The following USP12 variants were observed in gnomAD, a reference collection of about 807,000 sequenced individuals.
USP12 encodes the protein ubiquitin carboxyl-terminal hydrolase 12.
USP12 carries 19 observed loss-of-function variants against 45.5 expected under a neutral mutation model. The observed-to-expected ratio is 0.42, with a 90% CI of 0.29 to 0.61. The LOEUF is 0.61. USP12 is among the 20% of genes least tolerant of loss of function. USP12 has a pLI of 0.22. For missense variants in USP12, 242 were observed against 447.7 expected, an observed-to-expected ratio of 0.54 and a Z score of 4.15; for synonymous variants, 149 against 148.8, an observed-to-expected ratio of 1.00 and a Z score of -0.01.
intron 2 of USP12, among the ~76,000 whole-genome samples, chr13:27,113,000 G>A (rs1029033989): frequency 1.3e-5 from 2 of 152,200 alleles, no homozygotes; most frequent in Non-Finnish European, 2.9e-5. Flanking sequence ...TTGGGAGGCT[G>A]AGGCAGGAGG....
At chr13:27,103,604 A>AAAAAAAAT (rs1555234505) in intron 3 of USP12, among the ~76,000 whole-genome samples, 3 of 49,652 alleles carry the variant, frequency 6.0e-5, no homozygotes, top group African/African-American at 2.2e-4. Flanking sequence ...CTATCAAAAA[A>AAAAAAAAT]AAAAATAATA....
intron 6 of USP12, among the ~76,000 whole-genome samples, chr13:27,080,515 TG>T (rs1873701814): frequency 6.6e-6 from 1 of 152,102 alleles, no homozygotes; most frequent in African/African-American, 2.4e-5. Context: ...CTTCAATACC[TG>T]GTAAGAACAG....
intron 1 of USP12, among the ~76,000 whole-genome samples, chr13:27,131,672 C>T (rs1185969715): frequency 6.6e-6 from 1 of 152,136 alleles, no homozygotes; most frequent in Non-Finnish European, 1.5e-5. Flanking sequence ...CACCAAATCC[C>T]TTTCATATGC....
intron 6 of USP12, among the ~76,000 whole-genome samples, chr13:27,083,478 C>T (rs200179207): frequency 7.9e-6 from 1 of 127,170 alleles, no homozygotes; most frequent in Non-Finnish European, 1.8e-5. Context: ...GACAGGAAAA[C>T]AACAACTGAA....
chr13:27,081,663 C>T (rs1003315147), intron 6 of USP12, among the ~76,000 whole-genome samples: 1 of 152,138 alleles, frequency 6.6e-6, no homozygotes, highest in Non-Finnish European at 1.5e-5. Flanking sequence ...TTGCTCAGAT[C>T]CATCAGAGGA....
At position 27,095,845 on chromosome 13, in the gene USP12, A is replaced by T. The variant is rs771434003; in HGVS notation, c.344-15T>A. On this transcript the variant is annotated splice_polypyrimidine_tract_variant and intron_variant, in intron 3 of 8. Transcript: ENST00000282344. ...GTCAAAAAGCTCTGAAAATAAAAAC[A>T]TTATATTAGAGAATTATTTCAGAAT... 1.9e-6 allele frequency: 3 copies of T among 1,547,698 alleles called. No individual in the cohort carries two copies. Among genetic ancestry groups the T allele is most frequent in the Non-Finnish European group, 2.6e-6 (3 of 1,147,400 alleles).
intron 1 of USP12, among the ~76,000 whole-genome samples, chr13:27,159,583 T>C (rs1878009840): frequency 6.6e-6 from 1 of 152,190 alleles, no homozygotes; most frequent in Non-Finnish European, 1.5e-5. Flanking sequence ...TACCCAAATA[T>C]CCTAACTCTC....
Position 27,076,125 on chromosome 13 carries a change from T to C in USP12, c.735-737A>G, listed in dbSNP as rs9581810. Among the ~76,000 whole-genome samples, 502 of 151,720 alleles carry C rather than the reference T, an allele frequency of 3.3e-3. 2 individuals are homozygous for C. Among genetic ancestry groups the C allele is most frequent in the Non-Finnish European group, 6.1e-3 (415 of 67,970 alleles). ...GGTAGACTGAAATCTATTTTTTCTATCAATCTATATGATGCAGGTACAGAC... is the reference window on the plus strand; with the variant it reads ...GGTAGACTGAAATCTATTTTTTCTACCAATCTATATGATGCAGGTACAGAC... On this transcript the variant is annotated intron_variant, in intron 6 of 8. Transcript: ENST00000282344.
At chr13:27,080,467 C>A (rs1873698543) in intron 6 of USP12, among the ~76,000 whole-genome samples, 1 of 152,102 alleles carries the variant, frequency 6.6e-6, no homozygotes, top group Non-Finnish European at 1.5e-5. Context: ...GTGGCCATGA[C>A]AATGTGATGC....
At chr13:27,170,379 G>A (rs2137854521) in intron 1 of USP12, 1 of 398,410 alleles carries the variant, frequency 2.5e-6, no homozygotes, top group Middle Eastern at 6.3e-4. Flanking sequence ...AAAATTTCTT[G>A]GGGATCTCCT....
At chr13:27,158,758 A>C (rs149205450) in intron 1 of USP12, among the ~76,000 whole-genome samples, 142 of 152,362 alleles carry the variant, frequency 9.3e-4, no homozygotes, top group Non-Finnish European at 1.7e-3. Context: ...ATTATTGTTT[A>C]ATAAAATGAA....
intron 6 of USP12, among the ~76,000 whole-genome samples, chr13:27,087,316 G>T (rs1226158469): frequency 6.6e-6 from 1 of 152,016 alleles, no homozygotes; most frequent in East Asian, 1.9e-4. Flanking sequence ...GGGAGCGGGG[G>T]CAGGAAGGCA....
In USP12 at chr13:27,110,127, T is replaced by TTTAAAAA. The variant is rs9319342; in HGVS notation, c.130-4184_130-4183insTTTTTAA. On this transcript the variant is annotated intron_variant, in intron 2 of 8. Coordinates refer to ENST00000282344, the MANE Select transcript of USP12 (RefSeq NM_182488.4). ...GATGACTAGGATTTCCTTTTCCAGGTAAAAAAAAAAAAAAAAAAAGGATAA... is the reference window on the plus strand; with the variant it reads ...GATGACTAGGATTTCCTTTTCCAGGTTTAAAAAAAAAAAAAAAAAAAAAAAAGGATAA... Among the ~76,000 whole-genome samples the TTTAAAAA allele has an allele frequency of 2.5e-5, 3 of 119,628 alleles. No individual in the cohort carries two copies. In the East Asian group the frequency reaches 7.7e-4, roughly 31 times the overall value. 78.5% of individuals were successfully genotyped at this position (119,628 alleles called of 152,430 possible). A position where few individuals can be genotyped will look rare whatever the true frequency, so the allele number is the denominator to read the frequency against.
intron 1 of USP12, among the ~76,000 whole-genome samples, chr13:27,116,947 G>A (rs1029551023): frequency 3.9e-5 from 6 of 152,020 alleles, no homozygotes; most frequent in Admixed American, 2.6e-4. Flanking sequence ...GCACAATGAC[G>A]AAATGGCCTA....
At chr13:27,152,835 A>C (rs557398334) in intron 1 of USP12, among the ~76,000 whole-genome samples, 2 of 150,938 alleles carry the variant, frequency 1.3e-5, no homozygotes, top group African/African-American at 2.4e-5. Context: ...CCAGCTACTC[A>C]GGAGGCTGAG....
intron 1 of USP12, among the ~76,000 whole-genome samples, chr13:27,143,023 G>T (rs568149515): frequency 6.6e-6 from 1 of 151,818 alleles, no homozygotes; most frequent in African/African-American, 2.4e-5. Context: ...AACTGGGGAG[G>T]CGGAGGTTGC....
chr13:27,114,175 G>C (rs1875601748), intron 2 of USP12, among the ~76,000 whole-genome samples: 2 of 151,864 alleles, frequency 1.3e-5, no homozygotes, highest in Admixed American at 6.6e-5. Flanking sequence ...AGGCCTACCT[G>C]TATTAGAAAA....
chr13:27,137,651 G>T (rs1876866350), intron 1 of USP12, among the ~76,000 whole-genome samples: 2 of 152,156 alleles, frequency 1.3e-5, no homozygotes, highest in South Asian at 4.1e-4. Context: ...TGCTGTGGTG[G>T]GCAGAAATTA....
At chr13:27,088,794 C>A (rs771073660) in intron 6 of USP12, among the ~76,000 whole-genome samples, 25 of 152,124 alleles carry the variant, frequency 1.6e-4, no homozygotes, top group Non-Finnish European at 2.9e-4. Context: ...TTTTGTATCC[C>A]GTCCCTGTAA....
Sources: allele counts gnomAD v4.1 joint callset (sites outside exome capture counted in the v4.1 genomes callset), GRCh38; gene constraint gnomAD v4.1.1; transcripts MANE v1.5; gene names NCBI Gene and HGNC (gene_info 2026-07-23, HGNC 2026-07-21).